AACS: variants seen among roughly 807,000 people sequenced by gnomAD.
AACS encodes the protein acetoacetate-CoA ligase.
AACS carries 69 observed loss-of-function variants against 83.1 expected under a neutral mutation model. The ratio of observed to expected loss-of-function variants is 0.83; its 90% CI spans 0.68 to 1.01. AACS has a LOEUF of 1.01. AACS is among the 50% of genes least tolerant of loss of function. The pLI is 0.00. For missense variants in AACS, 866 were observed against 882.2 expected, an observed-to-expected ratio of 0.98 and a Z score of 0.23; for synonymous variants, 333 against 343.4, an observed-to-expected ratio of 0.97 and a Z score of 0.33.
At chr12:125,066,228 C>G (rs1955687725) in intron 1 of AACS, among the ~76,000 whole-genome samples, 1 of 151,982 alleles carries the variant, frequency 6.6e-6, no homozygotes, top group Non-Finnish European at 1.5e-5. Flanking sequence ...GCAGGAGGCC[C>G]TGTCCACGTG....
At chr12:125,136,551 G>C (rs1366644153) in intron 16 of AACS, 111 bp from the exon 17 acceptor site, 2 of 813,372 alleles carry the variant, frequency 2.5e-6, no homozygotes, top group Non-Finnish European at 3.9e-6. Context: ...GGCACCGCTG[G>C]AAGGCTTGGG....
chr12:125,075,813 C>T (rs530386931), intron 2 of AACS, among the ~76,000 whole-genome samples: 2 of 144,878 alleles, frequency 1.4e-5, no homozygotes, highest in South Asian at 2.2e-4. Flanking sequence ...AGGATGGTCT[C>T]GAGCTCCTGA....
intron 1 of AACS, among the ~76,000 whole-genome samples, chr12:125,066,361 C>T (rs560144897): frequency 1.3e-5 from 2 of 151,910 alleles, no homozygotes; most frequent in African/African-American, 2.4e-5. Flanking sequence ...GTGGGGTAAC[C>T]GCTCCGGGTG....
intron 4 of AACS, among the ~76,000 whole-genome samples, chr12:125,087,793 C>T (rs976377990): frequency 6.6e-6 from 1 of 152,178 alleles, no homozygotes; most frequent in Admixed American, 6.5e-5. Context: ...TACCCTGCCC[C>T]GCCTCCCCCT....
chr12:125,089,912 T>G (rs1474565283), intron 4 of AACS, among the ~76,000 whole-genome samples: 3 of 151,508 alleles, frequency 2.0e-5, no homozygotes, highest in Admixed American at 2.0e-4. Flanking sequence ...CCATTATCCA[T>G]CTATCCATCC....
chr12:125,090,384 T>C (rs112705461), intron 4 of AACS, among the ~76,000 whole-genome samples: 9 of 58,430 alleles, frequency 1.5e-4, no homozygotes, highest in South Asian at 5.9e-4. Flanking sequence ...ATCCATTCAT[T>C]TATCCTCCAC....
chr12:125,081,758 T>G (rs1390189896), intron 3 of AACS, among the ~76,000 whole-genome samples: 1 of 151,958 alleles, frequency 6.6e-6, no homozygotes, highest in South Asian at 2.1e-4. Flanking sequence ...TATTTTCACA[T>G]GATGGAAAGT....
intron 3 of AACS, among the ~76,000 whole-genome samples, chr12:125,085,254 A>G (rs1288234447): frequency 1.3e-5 from 2 of 152,040 alleles, no homozygotes; most frequent in Non-Finnish European, 2.9e-5. Flanking sequence ...ACATATGCAC[A>G]TTGCATCCAC....
Position 125,118,489 on chromosome 12 carries a change from C to T in AACS, c.997-152C>T, listed in dbSNP as rs183156966. 3.5e-5 allele frequency: 34 copies of T among 978,922 alleles called. No homozygotes were observed. In the Admixed American group the frequency reaches 5.6e-4, roughly 16 times the overall value. The allele number at this position is 978,922 out of a possible 1,614,324, so 60.6% of individuals were successfully genotyped here. Reference sequence around the variant, plus strand: ...GATCCATTCTTAGATGTGGAGTTGCCGGGCCAGAGTGTCCTGCATTTGAAA... The same window carrying T: ...GATCCATTCTTAGATGTGGAGTTGCTGGGCCAGAGTGTCCTGCATTTGAAA... On this transcript the variant is annotated intron_variant, in intron 9 of 17. Coordinates refer to ENST00000316519, the MANE Select transcript of AACS (RefSeq NM_023928.5).
intron 1 of AACS, among the ~76,000 whole-genome samples, chr12:125,069,273 G>C (rs12812782): frequency 0.13 from 19,760 of 152,234 alleles, 1,337 homozygotes; most frequent in Middle Eastern, 0.24. Context: ...AGAGAGCAAG[G>C]CACACATCCT....
At chr12:125,118,835 C>A in intron 10 of AACS, 70 bp downstream of exon 10, 1 of 1,582,138 alleles carries the variant, frequency 6.3e-7, no homozygotes, top group South Asian at 1.2e-5. Context: ...GGATCAGATG[C>A]AGAGCTGTGC....
chr12:125,104,280 T>C (rs1400695947), intron 7 of AACS, among the ~76,000 whole-genome samples: 1 of 152,090 alleles, frequency 6.6e-6, no homozygotes, highest in Non-Finnish European at 1.5e-5. Flanking sequence ...TGGCAGGGTG[T>C]CTTCATACCA....
intron 4 of AACS, among the ~76,000 whole-genome samples, chr12:125,087,360 C>A (rs1057296166): frequency 1.2e-4 from 19 of 152,236 alleles, no homozygotes; most frequent in African/African-American, 4.6e-4. Context: ...ATTTTTCTTA[C>A]AATTTTCCTT....
chr12:125,081,564 A>C (rs915704200), intron 3 of AACS, among the ~76,000 whole-genome samples: 1 of 152,094 alleles, frequency 6.6e-6, no homozygotes, highest in Non-Finnish European at 1.5e-5. Flanking sequence ...CATCTCTCCT[A>C]TGGGTAATCC....
intron 4 of AACS, among the ~76,000 whole-genome samples, chr12:125,087,490 A>G (rs1002700291): frequency 6.6e-6 from 1 of 152,226 alleles, no homozygotes; most frequent in Non-Finnish European, 1.5e-5. Context: ...GCAGGTGCAG[A>G]CGAAGGAGAT....
chr12:125,070,784 C>T (rs1474983003), intron 1 of AACS, among the ~76,000 whole-genome samples: 1 of 152,186 alleles, frequency 6.6e-6, no homozygotes, highest in Non-Finnish European at 1.5e-5. Flanking sequence ...CAAACCAAGG[C>T]ACGAAGTCTC....
intron 10 of AACS, 68 bp downstream of exon 10, chr12:125,118,833 T>A: frequency 1.3e-6 from 2 of 1,583,338 alleles, no homozygotes; most frequent in Non-Finnish European, 1.7e-6. Context: ...TGGGATCAGA[T>A]GCAGAGCTGT....
chr12:125,105,948 T>C (rs188821102), intron 7 of AACS, among the ~76,000 whole-genome samples: 91 of 152,324 alleles, frequency 6.0e-4, no homozygotes, highest in African/African-American at 1.7e-3. Context: ...CCACAGTGAA[T>C]AGTTTTCCTG....
At chr12:125,092,996 A>G (rs546775930) in intron 5 of AACS, among the ~76,000 whole-genome samples, 104 of 152,336 alleles carry the variant, frequency 6.8e-4, no homozygotes, top group Admixed American at 1.2e-3. Flanking sequence ...GTCCATGGGC[A>G]AGTGCCCTGG....
Sources: gnomAD v4.1 joint callset for allele counts (sites outside exome capture counted in the v4.1 genomes callset) on GRCh38, gnomAD v4.1.1 for gene constraint, MANE v1.5 for transcripts, NCBI Gene and HGNC (gene_info 2026-07-23, HGNC 2026-07-21) for gene names.